Variants in FER1L5 observed in about 807,000 individuals in gnomAD.
FER1L5 encodes the protein fer-1-like protein 5.
Under a neutral mutation model 279.9 loss-of-function variants are expected in FER1L5, and 187 were observed. That is an observed-to-expected ratio of 0.67 (90% CI 0.59 to 0.75). FER1L5 has a LOEUF of 0.75. Among genes scored for constraint, FER1L5 ranks in the 30% least tolerant of loss-of-function variants. The pLI is 0.00. For missense variants in FER1L5, 2,091 were observed against 2,594.4 expected, an observed-to-expected ratio of 0.81 and a Z score of 4.21; for synonymous variants, 921 against 989.7, an observed-to-expected ratio of 0.93 and a Z score of 1.30.
chr2:96,668,889 C>G lies in FER1L5; in HGVS notation c.1188C>G (p.Arg396=). The G allele has an allele frequency of 6.4e-7, 1 of 1,551,646 alleles. No homozygotes were observed. Among genetic ancestry groups the G allele is most frequent in the South Asian group, 1.2e-5 (1 of 84,058 alleles). The change falls in exon 16 of 53, where the codon CGC becomes CGG. Residue 396 remains arginine (R), a synonymous_variant. Transcript: ENST00000624922. ...TGAGGAGTGTGTTTCTCTCTAGCCG[C>G]AAGAAGGACTGCCCGGATGAGATTG... is the stretch of plus-strand genomic sequence containing the variant. The part of the protein sequence containing the change: ...SYIKFRVLDC[R]KKDCPDEIGT...
intron 9 of FER1L5, among the ~76,000 whole-genome samples, chr2:96,655,243 A>T (rs2075553779): frequency 6.6e-6 from 1 of 152,204 alleles, no homozygotes; most frequent in South Asian, 2.1e-4. Flanking sequence ...TGATTTGGGA[A>T]GACAGGCTGA....
At chr2:96,670,623 CA>C (rs796839112) in intron 18 of FER1L5, among the ~76,000 whole-genome samples, 393 of 137,766 alleles carry the variant, frequency 2.9e-3, no homozygotes, top group African/African-American at 7.5e-3. Context: ...ACTAAAAATA[CA>C]AAAAAAAAAA....
chr2:96,671,856 A>G (rs1003816520), intron 18 of FER1L5, among the ~76,000 whole-genome samples: 4 of 152,156 alleles, frequency 2.6e-5, no homozygotes, highest in Non-Finnish European at 4.4e-5. Flanking sequence ...GGACTGAGAG[A>G]TATCTGCTGG....
Position 96,673,124 on chromosome 2 carries a change from C to G in FER1L5, c.1539C>G (p.Ser513=). 6.4e-7 allele frequency: 1 copy of G among 1,551,610 alleles called. No individual in the cohort carries two copies. The part of the protein sequence containing the change: ...QKYGLCVIFL[S]CTMMPNFKEL... ...ATGGGCTGTGCGTCATCTTCCTTTC[C>G]TGTACCATGATGCCCAACTTTAAAG... Residue 513 remains serine (S), a synonymous_variant, in exon 19 of 53, where the codon TCC becomes TCG. Transcript: ENST00000624922.
At position 96,698,879 on chromosome 2, in the gene FER1L5, C is replaced by CA. The variant is rs775489781; in HGVS notation, c.4518+49dup. On this transcript the variant is annotated intron_variant, in intron 41 of 52. Transcript: ENST00000624922. The surrounding 1 kb of genome is among the most constrained non-coding windows in gnomAD (Gnocchi z 5.5). ...ACACAGGTGCCCCGCACGCTCCCCT[C>CA]AACCCATCTCTGGGAGCCCCCTCCG... 6.5e-7 allele frequency: 1 copy of CA among 1,545,428 alleles called. No individual in the cohort carries two copies. Among genetic ancestry groups the CA allele is most frequent in the African/African-American group, 1.4e-5 (1 of 72,974 alleles).
Position 96,693,555 on chromosome 2 carries a change from C to T in FER1L5, c.3342C>T (p.Thr1114=). Residue 1114 remains threonine (T), a synonymous_variant, in exon 32 of 53, where the codon ACC becomes ACT. Coordinates refer to ENST00000624922, the MANE Select transcript of FER1L5 (RefSeq NM_001293083.2). ...VFLNHSQCTQ[T]LRSSAGPTWA... is the part of the protein sequence containing the mutation. ...TGAACCACAGCCAGTGCACCCAAACCCTGAGGAGCTCTGCAGGCCCCACAT... is the reference window on the plus strand; with the variant it reads ...TGAACCACAGCCAGTGCACCCAAACTCTGAGGAGCTCTGCAGGCCCCACAT... 1 of 1,551,418 alleles carries T rather than the reference C, an allele frequency of 6.4e-7. No individual in the cohort carries two copies. The highest frequency in any genetic ancestry group is 8.7e-7 in the Non-Finnish European group (1 of 1,146,940).
At chr2:96,658,612 G>T (rs1458506493) in intron 9 of FER1L5, among the ~76,000 whole-genome samples, 1 of 152,054 alleles carries the variant, frequency 6.6e-6, no homozygotes. Flanking sequence ...TTCCAAACAG[G>T]TTCTGCCACT....
Position 96,647,244 on chromosome 2 carries a change from A to G in FER1L5, c.230+89A>G. ...CTTGTCTCTAATCCATAACTCACTC[A>G]GATGAAGGAATGGAACCCACTCCAG... On this transcript the variant is annotated intron_variant, in intron 3 of 52. Transcript: ENST00000624922. The G allele has an allele frequency of 2.2e-6, 3 of 1,376,744 alleles. No homozygotes were observed. The South Asian group carries it at 3.8e-5, about 18-fold the overall frequency. The allele number at this position is 1,376,744 out of a possible 1,614,324, so 85.3% of individuals were successfully genotyped here. A position where few individuals can be genotyped will look rare whatever the true frequency, so the allele number is the denominator to read the frequency against.
intron 19 of FER1L5, among the ~76,000 whole-genome samples, chr2:96,681,035 A>C (rs1212423815): frequency 1.3e-5 from 2 of 152,242 alleles, no homozygotes; most frequent in African/African-American, 4.8e-5. Context: ...TCTTTAAAAA[A>C]TAATTATTAT....
intron 19 of FER1L5, among the ~76,000 whole-genome samples, chr2:96,678,383 G>A (rs919199530): frequency 7.3e-5 from 11 of 151,334 alleles, no homozygotes; most frequent in African/African-American, 2.2e-4. Flanking sequence ...CACCCACCTC[G>A]GCCTCCCAAA....
At position 96,691,935 on chromosome 2, in the gene FER1L5, C is replaced by T. The variant is rs1286725394; in HGVS notation, c.3186C>T (p.Asn1062=). The T allele has an allele frequency of 6.5e-7, 1 of 1,547,960 alleles. No individual in the cohort carries two copies. The highest frequency in any genetic ancestry group is 2.0e-5 in the Admixed American group (1 of 50,198). The change falls in exon 30 of 53, where the codon AAC becomes AAT. Residue 1062 remains asparagine (N), a synonymous_variant. Transcript: ENST00000624922. The surrounding 1 kb of genome is among the most constrained non-coding windows in gnomAD (Gnocchi z 6.0). ...AGAGGCAGGACACCCGGCCCCCCAA[C>T]TTGCCCTTCATCTACTGCACCTTCA... The part of the protein sequence containing the change: ...DPQRQDTRPP[N]LPFIYCTFNK...
intron 18 of FER1L5, among the ~76,000 whole-genome samples, chr2:96,670,680 G>A (rs2076289379): frequency 1.3e-5 from 2 of 152,222 alleles, no homozygotes; most frequent in Admixed American, 6.5e-5. Context: ...CAGCTACTAG[G>A]GAGGCTGAGG....
intron 9 of FER1L5, among the ~76,000 whole-genome samples, chr2:96,658,072 A>G (rs2075669186): frequency 6.6e-6 from 1 of 151,186 alleles, no homozygotes; most frequent in African/African-American, 2.4e-5. Flanking sequence ...GCTGGAGTGC[A>G]ATGGCGTGAT....
chr2:96,659,210 GGCGTGA>G (rs1227808243), intron 9 of FER1L5, among the ~76,000 whole-genome samples: 1 of 151,964 alleles, frequency 6.6e-6, no homozygotes, highest in Non-Finnish European at 1.5e-5. Flanking sequence ...TGGGATTACA[GGCGTGA>G]GCCACTGTCA....
chr2:96,663,138 T>C (rs1171948003), intron 13 of FER1L5, among the ~76,000 whole-genome samples: 1 of 152,242 alleles, frequency 6.6e-6, no homozygotes, highest in Non-Finnish European at 1.5e-5. Context: ...GCAAAATATA[T>C]GTCTATACAC....
At chr2:96,661,207 G>T in intron 10 of FER1L5, 118 bp from the exon 11 acceptor site, 4 of 654,204 alleles carry the variant, frequency 6.1e-6, no homozygotes, top group Non-Finnish European at 1.0e-5. Flanking sequence ...CCACTGGATA[G>T]AAAGCAGGAT....
chr2:96,685,343 C>CA lies in FER1L5; in HGVS notation c.1810dup (p.Thr604AsnfsTer88). 6.4e-7 allele frequency: 1 copy of CA among 1,551,288 alleles called. No homozygotes were observed. Among genetic ancestry groups the CA allele is most frequent in the South Asian group, 1.2e-5 (1 of 84,014 alleles). On this transcript the variant is annotated frameshift_variant, in exon 21 of 53. Transcript: ENST00000624922. LOFTEE classifies it high-confidence loss of function. ...CTGCTGGGCAGAAAGCCAACCTGGA[C>CA]ACCCTGAAATCCACGCGGAATCCGA...
rs773752608 is a variant in FER1L5, at chr2:96,692,165, G to A, written c.3276G>A (p.Gln1092=). 5.4e-5 allele frequency: 84 copies of A among 1,551,568 alleles called. No homozygotes were observed. The highest frequency in any genetic ancestry group is 6.6e-5 in the Non-Finnish European group (76 of 1,147,000). The change falls in exon 31 of 53, where the codon CAG becomes CAA. Residue 1092 remains glutamine, a synonymous_variant. Transcript: ENST00000624922. ...IYQARNLVSN[Q]ILTFQGPFIR... Reference sequence around the variant, plus strand: ...AGGCCCGGAACCTGGTGTCCAATCAGATCCTGACATTCCAAGGTAGGTGGC... The same window carrying A: ...AGGCCCGGAACCTGGTGTCCAATCAAATCCTGACATTCCAAGGTAGGTGGC...
intron 19 of FER1L5, among the ~76,000 whole-genome samples, chr2:96,679,622 A>G (rs534485348): frequency 6.6e-6 from 1 of 152,238 alleles, no homozygotes; most frequent in Non-Finnish European, 1.5e-5. Context: ...AACATTTGTT[A>G]AAAAGACCAT....
Sources: allele counts gnomAD v4.1 joint callset (sites outside exome capture counted in the v4.1 genomes callset), GRCh38; gene constraint gnomAD v4.1.1; non-coding constraint Gnocchi (gnomAD v3.1); transcripts MANE v1.5; gene names NCBI Gene and HGNC (gene_info 2026-07-23, HGNC 2026-07-21).